Variants in SAFB2 observed in about 807,000 individuals in gnomAD.
SAFB2 encodes scaffold attachment factor B2.
Under a neutral mutation model 100.6 loss-of-function variants are expected in SAFB2, and 32 were observed. That is an observed-to-expected ratio of 0.32 (90% confidence interval 0.24 to 0.43). SAFB2 has a LOEUF of 0.43. SAFB2 is among the 20% of genes least tolerant of loss of function. The probability of loss-of-function intolerance (pLI) is 1.00; values close to 1 mark genes in which losing one functional copy is unlikely to be tolerated. For missense variants in SAFB2, 1,185 were observed against 1,163.4 expected, an observed-to-expected ratio of 1.02 and a Z score of -0.27; for synonymous variants, 500 against 439.4, an observed-to-expected ratio of 1.14 and a Z score of -1.72.
rs2052590673 is a variant in SAFB2, at chr19:5,598,863, G to A, written c.1712C>T (p.Thr571Met). ...TCCTTTCGATTTATCCATCACGACC[G>A]TCCGCTCCATTCCTCTGCTTCCTTC... ...TKSGSRGMER[T>M]VVMDKSKGEP... is the part of the protein sequence containing the mutation. Residue 571 changes from threonine (T) to methionine (M), a missense_variant, in exon 13 of 21, where the codon ACG becomes ATG. This residue lies in a region of SAFB2 where 740 missense variants were observed against 687.1 expected (regional missense o/e 1.08). Transcript: ENST00000252542. 15 of 1,613,856 alleles carry A rather than the reference G, an allele frequency of 9.3e-6. No individual in the cohort carries two copies. Among genetic ancestry groups the A allele is most frequent in the South Asian group, 2.2e-5 (2 of 91,078 alleles).
intron 4 of SAFB2, among the ~76,000 whole-genome samples, chr19:5,613,876 T>G (rs557850683): frequency 6.6e-6 from 1 of 152,264 alleles, no homozygotes; most frequent in Admixed American, 6.5e-5. Context: ...AATGCACCCC[T>G]CCAATTTCAC....
At chr19:5,614,003 G>C (rs959542482) in intron 4 of SAFB2, among the ~76,000 whole-genome samples, 1 of 152,148 alleles carries the variant, frequency 6.6e-6, no homozygotes, top group Non-Finnish European at 1.5e-5. Context: ...GCCCAGGCTG[G>C]AGTGCAATGG....
intron 14 of SAFB2, 151 bp from the exon 15 acceptor site, chr19:5,594,329 T>TAC: frequency 1.1e-6 from 1 of 897,338 alleles, no homozygotes; most frequent in Non-Finnish European, 1.6e-6. Flanking sequence ...TGCAGGGGGT[T>TAC]ACCTTACTTA....
At chr19:5,590,664 C>T (rs931200851) in intron 17 of SAFB2, among the ~76,000 whole-genome samples, 10 of 152,204 alleles carry the variant, frequency 6.6e-5, no homozygotes, top group African/African-American at 2.4e-4. Context: ...GGCATTACTG[C>T]CCTCAACAGC....
At chr19:5,598,730 C>T in intron 13 of SAFB2, 63 bp downstream of exon 13, 1 of 1,459,844 alleles carries the variant, frequency 6.9e-7, no homozygotes, top group Non-Finnish European at 9.6e-7. Flanking sequence ...TAATGCGGAT[C>T]AAACGGGCCG....
In SAFB2 at chr19:5,616,442, C is replaced by T. The variant is rs536809565; in HGVS notation, c.319G>A (p.Asp107Asn). Residue 107 changes from aspartate to asparagine, a missense_variant, in exon 3 of 21, where the codon GAC (aspartate) becomes AAC (asparagine). Transcript: ENST00000252542. ...EEGTEDNGLE[D>N]DSRDGQEDME... is the part of the protein sequence containing the mutation. ...CTTACCTGCCCGTCTCTGGAATCGT[C>T]TTCCAGGCCATTATCTTCTGTGCCT... 9.8e-5 allele frequency: 158 copies of T among 1,614,054 alleles called. 1 individual carries two copies. The South Asian group carries it at 1.4e-3, about 14-fold the overall frequency.
chr19:5,621,197 G>C (rs2053133650), intron 2 of SAFB2, 112 bp downstream of exon 2: 1 of 742,474 alleles, frequency 1.3e-6, no homozygotes. Flanking sequence ...TTAGTGGAGG[G>C]ACACCGAGTA....
intron 14 of SAFB2, 120 bp from the exon 15 acceptor site, chr19:5,594,298 G>A (rs949439097): frequency 1.6e-6 from 2 of 1,283,654 alleles, no homozygotes; most frequent in East Asian, 2.6e-5. Flanking sequence ...AAAGCTCACC[G>A]GGCTTCCCTA....
At chr19:5,605,416 C>T (rs923984775) in intron 9 of SAFB2, among the ~76,000 whole-genome samples, 1 of 152,098 alleles carries the variant, frequency 6.6e-6, no homozygotes, top group Non-Finnish European at 1.5e-5. Context: ...CTAAATACAA[C>T]TGCTTTTAAT....
chr19:5,592,847 T>C lies in SAFB2; in HGVS notation c.2248A>G (p.Met750Val), dbSNP rs146220590. The C allele has an allele frequency of 1.1e-5, 18 of 1,614,022 alleles. No homozygotes were observed. Among genetic ancestry groups the C allele is most frequent in the Middle Eastern group, 1.6e-4 (1 of 6,084 alleles). ...AAGTCTGCACGATATCGGTCCTCCA[T>C]TGCCACACGCTTTCCTTCTGGCCAA... ...AYWPEGKRVA[M>V]EDRYRADFPR... Residue 750 changes from methionine to valine, a missense_variant, in exon 16 of 21, where the codon ATG (methionine) becomes GTG (valine). Physicochemically the swap from Met to Val is conservative, Grantham distance 21. Transcript: ENST00000252542.
chr19:5,597,731 G>A lies in SAFB2; in HGVS notation c.1782+1062C>T, dbSNP rs139704907. ...ACAGTTACATGGGGGTAAGAGTATG[G>A]GTCTTTTTCAATGTTCTACTCTACA... is the stretch of plus-strand genomic sequence containing the variant. On this transcript the variant is annotated intron_variant, in intron 13 of 20. Coordinates refer to ENST00000252542, the MANE Select transcript of SAFB2 (RefSeq NM_014649.3). Among the ~76,000 whole-genome samples, 803 of 152,176 alleles carry A rather than the reference G, an allele frequency of 5.3e-3. 7 individuals are homozygous for A. Among genetic ancestry groups the A allele is most frequent in the Non-Finnish European group, 9.1e-3 (616 of 67,988 alleles).
At chr19:5,593,052 T>C (rs967276045) in intron 15 of SAFB2, among the ~76,000 whole-genome samples, 165 bp from the exon 16 acceptor site, 7 of 152,204 alleles carry the variant, frequency 4.6e-5, no homozygotes, top group Non-Finnish European at 1.0e-4. Context: ...TGCTTTGATC[T>C]GATAAATTAA....
At chr19:5,598,733 A>T in intron 13 of SAFB2, 60 bp downstream of exon 13, 1 of 1,474,584 alleles carries the variant, frequency 6.8e-7, no homozygotes, top group Non-Finnish European at 9.5e-7. Context: ...TGCGGATCAA[A>T]CGGGCCGTGG....
At chr19:5,616,053 C>G in intron 4 of SAFB2, 79 bp downstream of exon 4, 1 of 1,332,500 alleles carries the variant, frequency 7.5e-7, no homozygotes, top group Non-Finnish European at 1.1e-6. Flanking sequence ...TAGCTGTGTT[C>G]TCCCTCACAC....
intron 16 of SAFB2, 98 bp from the exon 17 acceptor site, chr19:5,591,891 A>G: frequency 8.5e-7 from 1 of 1,170,580 alleles, no homozygotes; most frequent in South Asian, 1.3e-5. Flanking sequence ...TTTCCATCCC[A>G]TCACATAAAA....
chr19:5,602,715 C>T (rs756259238), intron 11 of SAFB2, among the ~76,000 whole-genome samples: 6 of 152,060 alleles, frequency 3.9e-5, no homozygotes, highest in Non-Finnish European at 7.4e-5. Flanking sequence ...CAGGACCACA[C>T]CATACTGTTA....
intron 4 of SAFB2, 98 bp from the exon 5 acceptor site, chr19:5,613,625 G>A (rs953894560): frequency 2.5e-5 from 38 of 1,532,514 alleles, no homozygotes; most frequent in East Asian, 1.4e-4. Flanking sequence ...TTTCCCTCAC[G>A]GCACCTTTTG....
intron 9 of SAFB2, among the ~76,000 whole-genome samples, chr19:5,606,354 A>AG (rs1657480558): frequency 6.6e-6 from 1 of 152,244 alleles, no homozygotes; most frequent in Non-Finnish European, 1.5e-5. Context: ...GGCTGGGCAC[A>AG]GTGGCTCATG....
At chr19:5,606,889 G>A (rs1157093437) in intron 9 of SAFB2, among the ~76,000 whole-genome samples, 1 of 152,220 alleles carries the variant, frequency 6.6e-6, no homozygotes, top group East Asian at 1.9e-4. Context: ...ATGGGAACTT[G>A]GATATACAAC....
Sources: allele counts gnomAD v4.1 joint callset (sites outside exome capture counted in the v4.1 genomes callset), GRCh38; gene constraint gnomAD v4.1.1; regional missense constraint gnomAD v4.1.1; transcripts MANE v1.5; gene names NCBI Gene and HGNC (gene_info 2026-07-23, HGNC 2026-07-21).